SLX4IP: variants seen among roughly 807,000 people sequenced by gnomAD.
The protein encoded by SLX4IP is SLX4 interacting protein.
Under a neutral mutation model 32.9 loss-of-function variants are expected in SLX4IP, and 34 were observed. The observed-to-expected ratio is 1.03, with a 90% CI of 0.79 to 1.38. SLX4IP has a LOEUF of 1.38. Ranked by LOEUF, SLX4IP falls within the 40% of genes most tolerant of loss-of-function variation. The pLI is 0.00. For synonymous variants in SLX4IP, 172 were observed against 171.7 expected (o/e 1.00, Z -0.01); for missense variants, 444 against 479.0 (o/e 0.93, Z 0.68).
At chr20:10,571,296 A>AC (rs2066463093) in intron 4 of SLX4IP, among the ~76,000 whole-genome samples, 1 of 152,098 alleles carries the variant, frequency 6.6e-6, no homozygotes, top group Non-Finnish European at 1.5e-5. Flanking sequence ...TTCCAGCTAG[A>AC]CCTGCAGTCG....
rs1483870322 is a variant in SLX4IP, at chr20:10,625,983, T to C, written c.*2604T>C. The C allele has an allele frequency of 6.6e-6, 1 of 151,422 alleles. No individual in the cohort carries two copies. Among genetic ancestry groups the C allele is most frequent in the East Asian group, 1.9e-4 (1 of 5,168 alleles). The allele number at this position is 151,422 out of a possible 1,614,324, so 9.4% of individuals were successfully genotyped here. A position where few individuals can be genotyped will look rare whatever the true frequency, so the allele number is the denominator to read the frequency against. On this transcript the variant is annotated 3_prime_UTR_variant, in exon 8 of 8. Transcript: ENST00000334534. ...GGTAGGATATGAAGAGTTCTCACTG[T>C]TGGGAATGGTATGTGTTTTGACATT... is the stretch of plus-strand genomic sequence containing the variant.
intron 2 of SLX4IP, among the ~76,000 whole-genome samples, chr20:10,499,302 C>T (rs72623520): frequency 0.032 from 4,917 of 152,264 alleles, 210 homozygotes; most frequent in East Asian, 0.2. Flanking sequence ...AACATACATA[C>T]ACAATATGCA....
chr20:10,586,960 A>G (rs531729513), intron 4 of SLX4IP, among the ~76,000 whole-genome samples: 1 of 152,266 alleles, frequency 6.6e-6, no homozygotes, highest in South Asian at 2.1e-4. Flanking sequence ...CCAAAATTTA[A>G]GAACTAGGTA....
At chr20:10,452,862 A>G (rs2065254731) in intron 1 of SLX4IP, among the ~76,000 whole-genome samples, 1 of 151,598 alleles carries the variant, frequency 6.6e-6, no homozygotes, top group Non-Finnish European at 1.5e-5. Flanking sequence ...GAAAATAAAT[A>G]AATAAATAAA....
intron 4 of SLX4IP, among the ~76,000 whole-genome samples, chr20:10,562,172 C>T (rs1327870895): frequency 6.6e-6 from 1 of 152,202 alleles, no homozygotes; most frequent in African/African-American, 2.4e-5. Flanking sequence ...ATTAGGCCCT[C>T]TGCCTTATCT....
intron 1 of SLX4IP, among the ~76,000 whole-genome samples, chr20:10,436,921 C>T (rs1024358348): frequency 2.0e-5 from 3 of 148,098 alleles, no homozygotes; most frequent in African/African-American, 7.5e-5. Context: ...CACTGGTTTG[C>T]GTTTTTTTTT....
intron 4 of SLX4IP, among the ~76,000 whole-genome samples, chr20:10,570,371 G>GT (rs1397012706): frequency 2.6e-5 from 4 of 152,166 alleles, no homozygotes; most frequent in Non-Finnish European, 4.4e-5. Context: ...TCTTTCTCAT[G>GT]TTGAGCCACA....
At chr20:10,541,268 C>G (rs1023495130) in intron 2 of SLX4IP, among the ~76,000 whole-genome samples, 1 of 152,172 alleles carries the variant, frequency 6.6e-6, no homozygotes, top group Non-Finnish European at 1.5e-5. Flanking sequence ...CCAGGTTAGT[C>G]CCTATCATTC....
chr20:10,544,667 G>A (rs921955270), intron 2 of SLX4IP, among the ~76,000 whole-genome samples: 9 of 152,254 alleles, frequency 5.9e-5, no homozygotes, highest in South Asian at 4.2e-4. Context: ...GATTACAGGC[G>A]TGAGCCACCA....
chr20:10,474,224 C>G (rs6108597), intron 2 of SLX4IP, among the ~76,000 whole-genome samples: 1 of 152,178 alleles, frequency 6.6e-6, no homozygotes, highest in Non-Finnish European at 1.5e-5. Context: ...CCAAAGCTGC[C>G]TGAGTTCTGA....
intron 4 of SLX4IP, among the ~76,000 whole-genome samples, chr20:10,563,894 T>C (rs2066359415): frequency 1.3e-5 from 2 of 152,262 alleles, no homozygotes; most frequent in Admixed American, 1.3e-4. Context: ...TTGGGTCTTT[T>C]GTGGTTCCAT....
intron 2 of SLX4IP, among the ~76,000 whole-genome samples, chr20:10,467,242 G>A (rs949497697): frequency 4.6e-5 from 7 of 152,180 alleles, no homozygotes; most frequent in African/African-American, 1.7e-4. Context: ...GTATCACATT[G>A]AAAAGATTTA....
intron 4 of SLX4IP, among the ~76,000 whole-genome samples, chr20:10,586,581 T>C (rs1019955458): frequency 6.6e-6 from 1 of 152,184 alleles, no homozygotes; most frequent in African/African-American, 2.4e-5. Flanking sequence ...CTTGCTTATT[T>C]TGGCTTAACA....
At chr20:10,461,876 T>C (rs778590817) in intron 2 of SLX4IP, among the ~76,000 whole-genome samples, 1 of 152,172 alleles carries the variant, frequency 6.6e-6, no homozygotes, top group African/African-American at 2.4e-5. Context: ...CTCCTGGGCT[T>C]AAGCAGTCCT....
intron 2 of SLX4IP, among the ~76,000 whole-genome samples, chr20:10,486,111 G>C (rs545477804): frequency 6.6e-6 from 1 of 151,224 alleles, no homozygotes; most frequent in South Asian, 2.1e-4. Flanking sequence ...ATTCAAGAGG[G>C]TTTGTTTATT....
chr20:10,532,983 G>T (rs898214608), intron 2 of SLX4IP, among the ~76,000 whole-genome samples: 2 of 152,062 alleles, frequency 1.3e-5, no homozygotes, highest in Non-Finnish European at 2.9e-5. Context: ...CACCATGTTG[G>T]CTAAGCTGGT....
chr20:10,585,396 G>GC (rs145000795), intron 4 of SLX4IP, among the ~76,000 whole-genome samples: 3,408 of 152,256 alleles, frequency 0.022, 133 homozygotes, highest in African/African-American at 0.077. Context: ...TGACTCTTGA[G>GC]AGTGGTCCTG....
chr20:10,447,498 G>T (rs6039942), intron 1 of SLX4IP, among the ~76,000 whole-genome samples: 2 of 151,910 alleles, frequency 1.3e-5, no homozygotes, highest in African/African-American at 4.8e-5. Flanking sequence ...TTTGTGGGAT[G>T]CTAGTTTAAA....
At chr20:10,484,586 G>A (rs1250557809) in intron 2 of SLX4IP, among the ~76,000 whole-genome samples, 2 of 152,026 alleles carry the variant, frequency 1.3e-5, no homozygotes, top group African/African-American at 4.8e-5. Context: ...TGAGGGAAAG[G>A]CTATGTCTGA....
Sources: gnomAD v4.1 joint callset for allele counts (sites outside exome capture counted in the v4.1 genomes callset) on GRCh38, gnomAD v4.1.1 for gene constraint, MANE v1.5 for transcripts, NCBI Gene and HGNC (gene_info 2026-07-23, HGNC 2026-07-21) for gene names.